The following TCEA3 variants were observed in gnomAD, a reference collection of about 807,000 sequenced individuals.
TCEA3 encodes transcription elongation factor A protein 3.
Under a neutral mutation model 44.0 loss-of-function variants are expected in TCEA3, and 36 were observed. The ratio of observed to expected loss-of-function variants is 0.82; its 90% CI spans 0.63 to 1.08. TCEA3 has a LOEUF of 1.08. Ranked by LOEUF, TCEA3 falls within the 50% of genes least tolerant of loss-of-function variation. The pLI is 0.00. For synonymous variants in TCEA3, 162 were observed against 159.7 expected (o/e 1.01, Z -0.11); for missense variants, 392 against 441.2 (o/e 0.89, Z 1.00).
At chr1:23,398,280 C>A (rs977234815) in intron 5 of TCEA3, among the ~76,000 whole-genome samples, 1 of 152,218 alleles carries the variant, frequency 6.6e-6, no homozygotes. Flanking sequence ...GGCTCTTAAC[C>A]AGCCACTGTG....
chr1:23,423,236 G>C (rs571573980), intron 1 of TCEA3, among the ~76,000 whole-genome samples: 229 of 152,306 alleles, frequency 1.5e-3, no homozygotes, highest in African/African-American at 5.3e-3. Flanking sequence ...ACCTGGCTGC[G>C]TAGAAGCAGG....
At chr1:23,423,970 C>T (rs1462719877) in intron 1 of TCEA3, 3 of 414,010 alleles carry the variant, frequency 7.2e-6, no homozygotes, top group East Asian at 1.4e-4. Context: ...CCCGCCCGTC[C>T]GGGCCGCACC....
intron 9 of TCEA3, among the ~76,000 whole-genome samples, chr1:23,385,067 G>A (rs1326092374): frequency 6.6e-6 from 1 of 152,088 alleles, no homozygotes; most frequent in Non-Finnish European, 1.5e-5. Context: ...AATATCATTG[G>A]GACTATTTAA....
chr1:23,417,874 A>G, intron 3 of TCEA3, 30 bp downstream of exon 3: 1 of 1,604,598 alleles, frequency 6.2e-7, no homozygotes, highest in South Asian at 1.1e-5. Flanking sequence ...GGAGAAAAAC[A>G]GGGCTCAAGA....
rs1281264877 is a variant in TCEA3, at chr1:23,397,781, G to A, written c.607+11C>T. On this transcript the variant is annotated intron_variant, in intron 6 of 10. Coordinates refer to ENST00000450454, the MANE Select transcript of TCEA3 (RefSeq NM_003196.3). ...CCTTCCCTCCCTCATCCCTAGCCCA[G>A]GCTCTCTCACCGTCCGCCTTCAGGG... The A allele has an allele frequency of 6.2e-7, 1 of 1,613,902 alleles. No individual in the cohort carries two copies. The highest frequency in any genetic ancestry group is 8.5e-7 in the Non-Finnish European group (1 of 1,179,884).
At chr1:23,389,319 C>G (rs1375342610) in intron 8 of TCEA3, among the ~76,000 whole-genome samples, 1 of 152,068 alleles carries the variant, frequency 6.6e-6, no homozygotes, top group Non-Finnish European at 1.5e-5. Flanking sequence ...GAAACCCCAT[C>G]TGTACTAAAA....
At chr1:23,392,887 G>T (rs1214548199) in intron 8 of TCEA3, among the ~76,000 whole-genome samples, 1 of 152,164 alleles carries the variant, frequency 6.6e-6, no homozygotes, top group African/African-American at 2.4e-5. Context: ...TGGACAGGGT[G>T]GGGGATGGTT....
intron 5 of TCEA3, among the ~76,000 whole-genome samples, chr1:23,402,906 C>T (rs908663160): frequency 4.6e-5 from 7 of 152,240 alleles, no homozygotes; most frequent in African/African-American, 1.7e-4. Context: ...AGATGAAAGG[C>T]ACACCCAGAG....
At chr1:23,414,852 G>A (rs112514574) in intron 4 of TCEA3, among the ~76,000 whole-genome samples, 34 of 151,924 alleles carry the variant, frequency 2.2e-4, no homozygotes, top group East Asian at 3.8e-4. Flanking sequence ...AAGAAAGAAC[G>A]GAGAAAATGA....
intron 8 of TCEA3, among the ~76,000 whole-genome samples, chr1:23,388,321 C>G (rs12136719): frequency 0.068 from 10,301 of 151,734 alleles, 471 homozygotes; most frequent in South Asian, 0.2. Context: ...CCTCAGCCTC[C>G]CGAGTAGCTG....
chr1:23,410,657 C>A (rs190110042), intron 4 of TCEA3, among the ~76,000 whole-genome samples: 1 of 151,988 alleles, frequency 6.6e-6, no homozygotes, highest in African/African-American at 2.4e-5. Flanking sequence ...CAAAAATTAG[C>A]CGGGCATGGT....
At chr1:23,418,501 G>A (rs376151649) in intron 2 of TCEA3, among the ~76,000 whole-genome samples, 2 of 152,046 alleles carry the variant, frequency 1.3e-5, no homozygotes, top group East Asian at 1.9e-4. Context: ...TAGTAGAAAC[G>A]GGGTTTCACC....
chr1:23,392,402 ACATCATCATG>A (rs1639062077), intron 8 of TCEA3, among the ~76,000 whole-genome samples: 1 of 3,040 alleles, frequency 3.3e-4, no homozygotes. Flanking sequence ...CACACTCCAC[ACATCATCATG>A]CACAATACAC....
chr1:23,385,115 G>A (rs1197376378), intron 9 of TCEA3, among the ~76,000 whole-genome samples: 6 of 152,168 alleles, frequency 3.9e-5, no homozygotes, highest in African/African-American at 1.4e-4. Flanking sequence ...CATCATTCAG[G>A]TGCAGGAACC....
At chr1:23,404,007 A>G (rs1314171203) in intron 5 of TCEA3, 3 of 655,538 alleles carry the variant, frequency 4.6e-6, no homozygotes, top group African/African-American at 1.8e-5. Flanking sequence ...GGATTTATCA[A>G]CAGCTTCCTT....
At chr1:23,402,730 C>T (rs78814315) in intron 5 of TCEA3, among the ~76,000 whole-genome samples, 4,375 of 152,324 alleles carry the variant, frequency 0.029, 102 homozygotes, top group Non-Finnish European at 0.047. Context: ...CTGCCTCCAT[C>T]TCCAGATTAC....
intron 10 of TCEA3, among the ~76,000 whole-genome samples, chr1:23,383,259 A>G (rs867768251): frequency 1.3e-4 from 18 of 142,980 alleles, no homozygotes; most frequent in Middle Eastern, 3.6e-3. Flanking sequence ...CAGCCTGGGC[A>G]ACAGAGCGAG....
intron 1 of TCEA3, among the ~76,000 whole-genome samples, chr1:23,421,884 A>G (rs114027795): frequency 4.0e-4 from 61 of 152,296 alleles, no homozygotes; most frequent in Non-Finnish European, 7.8e-4. Flanking sequence ...CCAGCTCTCC[A>G]CTGGGTGTAT....
In TCEA3 at chr1:23,387,334, C is replaced by T. The variant is rs1638876276; in HGVS notation, c.905G>A (p.Gly302Asp). Residue 302 changes from glycine to aspartate, a missense_variant, in exon 9 of 11, where the codon GGC becomes GAC. By Grantham distance (94) the Gly-to-Asp change is moderately conservative. Transcript: ENST00000450454. ...IREHQMAKTG[G>D]TTTDLFQCSK... ...GCACTGGAAGAGGTCAGTGGTGGTGCCGCCAGTCTTGGCCATCTGGTGCTC... is the reference window on the plus strand; with the variant it reads ...GCACTGGAAGAGGTCAGTGGTGGTGTCGCCAGTCTTGGCCATCTGGTGCTC... 1.2e-6 allele frequency: 2 copies of T among 1,613,908 alleles called. No individual in the cohort carries two copies. Among genetic ancestry groups the T allele is most frequent in the African/African-American group, 2.7e-5 (2 of 75,066 alleles).
Sources: allele counts gnomAD v4.1 joint callset (sites outside exome capture counted in the v4.1 genomes callset), GRCh38; gene constraint gnomAD v4.1.1; transcripts MANE v1.5; gene names NCBI Gene and HGNC (gene_info 2026-07-23, HGNC 2026-07-21).